Variants in SHD observed in about 807,000 individuals in gnomAD.
SHD encodes Src homology 2 domain containing transforming protein D, also known as SH2 domain-containing adapter protein D.
In SHD, 29 loss-of-function variants were observed where a neutral mutation model predicts 31.2. That is an observed-to-expected ratio of 0.93 (90% CI 0.69 to 1.27). The LOEUF is 1.27. Among genes scored for constraint, SHD ranks in the 50% most tolerant of loss-of-function variants. The probability of loss-of-function intolerance (pLI) is 0.00; values close to 1 mark genes in which losing one functional copy is unlikely to be tolerated. For synonymous variants in SHD, 208 were observed against 187.8 expected (o/e 1.11, Z -0.88); for missense variants, 520 against 453.8 (o/e 1.15, Z -1.33).
chr19:4,286,261 CTCTT>C lies in SHD; in HGVS notation c.716+1375_716+1378del, dbSNP rs1160240266. ...TTTCTTTCTTTCTTTCTTTCTTTCT[CTCTT>C]TCTTTCTTTCTTTCTTTTTTTCTTT... On this transcript the variant is annotated intron_variant, in intron 4 of 5. Coordinates refer to ENST00000543264, the MANE Select transcript of SHD (RefSeq NM_020209.4). 7.9e-3 allele frequency among the ~76,000 whole-genome samples: 786 copies of C among 99,184 alleles called. 10 individuals carry two copies. The highest frequency in any genetic ancestry group is 0.02 in the African/African-American group (610 of 29,940). 65.1% of individuals were successfully genotyped at this position (99,184 alleles called of 152,430 possible). A position where few individuals can be genotyped will look rare whatever the true frequency, so the allele number is the denominator to read the frequency against.
chr19:4,284,759 C>A, intron 3 of SHD, 22 bp from the exon 4 acceptor site: 3 of 1,564,512 alleles, frequency 1.9e-6, no homozygotes, highest in South Asian at 2.3e-5. Flanking sequence ...TTAACCCTTT[C>A]CTCTCTAAAT....
At position 4,290,530 on chromosome 19, in the gene SHD, C is replaced by T. The variant is rs761821848; in HGVS notation, c.920C>T (p.Pro307Leu). Residue 307 changes from proline to leucine, a missense_variant, in exon 6 of 6, where the codon CCC becomes CTC. Coordinates refer to ENST00000543264, the MANE Select transcript of SHD (RefSeq NM_020209.4). ...CTGGGCCAACACAGCGGGCCCTTCC[C>T]CAGCGTGCCCGAGCTCGTCCTCCAC... The part of the protein sequence containing the change: ...VVLGQHSGPF[P>L]SVPELVLHYS... The T allele has an allele frequency of 6.2e-7, 1 of 1,613,666 alleles. No individual in the cohort carries two copies. Among genetic ancestry groups the T allele is most frequent in the African/African-American group, 1.3e-5 (1 of 75,016 alleles).
chr19:4,283,365 A>G, intron 3 of SHD, 123 bp downstream of exon 3: 1 of 1,022,708 alleles, frequency 9.8e-7, no homozygotes, highest in Non-Finnish European at 1.4e-6. Context: ...GTAGTTTGTT[A>G]ATTCTCACTA....
chr19:4,282,857 CT>C lies in SHD; in HGVS notation c.298-11del, dbSNP rs1971270076. On this transcript the variant is annotated splice_polypyrimidine_tract_variant and intron_variant, in intron 1 of 5. Coordinates refer to ENST00000543264, the MANE Select transcript of SHD (RefSeq NM_020209.4). ...TCTGAGTCCTTGTCTTCTCCCCTTC[CT>C]TCTCTCCGCAGCTGGAAGCCGACAC... The C allele has an allele frequency of 1.9e-6, 3 of 1,613,426 alleles. No individual in the cohort carries two copies. Among genetic ancestry groups the C allele is most frequent in the Non-Finnish European group, 2.5e-6 (3 of 1,179,600 alleles).
At chr19:4,282,716 A>AAAAAAT (rs1470016858) in intron 1 of SHD, among the ~76,000 whole-genome samples, 154 bp from the exon 2 acceptor site, 1 of 152,020 alleles carries the variant, frequency 6.6e-6, no homozygotes, top group Non-Finnish European at 1.5e-5. Flanking sequence ...ACTCCATCTC[A>AAAAAAT]AAAAATAAAA....
chr19:4,283,872 C>A (rs932619380), intron 3 of SHD, among the ~76,000 whole-genome samples: 1 of 151,662 alleles, frequency 6.6e-6, no homozygotes, highest in African/African-American at 2.4e-5. Flanking sequence ...GCCACCGCGC[C>A]CCCGCCCGGG....
intron 1 of SHD, among the ~76,000 whole-genome samples, chr19:4,281,619 G>T (rs1461857771): frequency 6.6e-6 from 1 of 151,660 alleles, no homozygotes; most frequent in Non-Finnish European, 1.5e-5. Flanking sequence ...TTAACCAGGC[G>T]ATGTGGCGTG....
At chr19:4,286,084 GTTT>G (rs950450394) in intron 4 of SHD, among the ~76,000 whole-genome samples, 1 of 151,150 alleles carries the variant, frequency 6.6e-6, no homozygotes, top group African/African-American at 2.4e-5. Context: ...TAGAGACAGA[GTTT>G]CACCATGTTA....
intron 1 of SHD, among the ~76,000 whole-genome samples, chr19:4,281,822 C>T (rs886655231): frequency 6.6e-6 from 1 of 152,120 alleles, no homozygotes; most frequent in African/African-American, 2.4e-5. Context: ...GGAAACCAGT[C>T]AGCCGGGATC....
Position 4,280,313 on chromosome 19 carries a change from G to A in SHD, c.250G>A (p.Ala84Thr). Residue 84 changes from alanine to threonine, a missense_variant, in exon 1 of 6, where the codon GCG becomes ACG. Physicochemically the swap from Ala to Thr is moderately conservative, Grantham distance 58. Transcript: ENST00000543264. The part of the protein sequence containing the change: ...PKHRLIKVEA[A>T]DMARAKALLG... ...GCACCGGCTCATCAAGGTGGAGGCT[G>A]CGGATATGGCCAGAGCCAAGGCCCT... 1 of 1,603,516 alleles carries A rather than the reference G, an allele frequency of 6.2e-7. No homozygotes were observed. Among genetic ancestry groups the A allele is most frequent in the Non-Finnish European group, 8.5e-7 (1 of 1,175,278 alleles).
At chr19:4,285,026 C>T in intron 4 of SHD, 122 bp downstream of exon 4, 1 of 1,199,724 alleles carries the variant, frequency 8.3e-7, no homozygotes, top group South Asian at 2.2e-5. Context: ...ATTCATTCAT[C>T]CACTTATTTC....
intron 4 of SHD, among the ~76,000 whole-genome samples, chr19:4,286,388 C>T (rs148175937): frequency 8.1e-4 from 121 of 149,792 alleles, no homozygotes; most frequent in African/African-American, 2.8e-3. Context: ...ACTCTGTTGC[C>T]CAGGCTGAAG....
intron 4 of SHD, among the ~76,000 whole-genome samples, chr19:4,287,670 AG>A (rs1394055129): frequency 6.6e-6 from 1 of 151,864 alleles, no homozygotes; most frequent in Non-Finnish European, 1.5e-5. Flanking sequence ...CTGTAGTTCC[AG>A]CTACTCTGGA....
chr19:4,288,803 C>T (rs1413459595), intron 5 of SHD, among the ~76,000 whole-genome samples: 1 of 152,072 alleles, frequency 6.6e-6, no homozygotes, highest in Non-Finnish European at 1.5e-5. Flanking sequence ...ATAAACCACT[C>T]CTAAGATTCT....
intron 5 of SHD, among the ~76,000 whole-genome samples, chr19:4,289,212 G>A (rs1049890674): frequency 4.9e-5 from 7 of 141,452 alleles, no homozygotes; most frequent in Non-Finnish European, 7.5e-5. Context: ...CCGGGTTCAC[G>A]CCATTCTCCT....
intron 5 of SHD, among the ~76,000 whole-genome samples, chr19:4,289,285 G>T (rs1971351858): frequency 6.7e-6 from 1 of 149,834 alleles, no homozygotes; most frequent in African/African-American, 2.4e-5. Context: ...TAATTTTTTT[G>T]TATTTTTAGT....
At chr19:4,282,619 G>T (rs1971267492) in intron 1 of SHD, among the ~76,000 whole-genome samples, 1 of 151,934 alleles carries the variant, frequency 6.6e-6, no homozygotes, top group Non-Finnish European at 1.5e-5. Flanking sequence ...GGGAGGCTGA[G>T]GCAGGAGAAT....
chr19:4,288,445 G>C, intron 5 of SHD, 83 bp downstream of exon 5: 54 of 1,431,368 alleles, frequency 3.8e-5, no homozygotes, highest in Non-Finnish European at 4.3e-5. Flanking sequence ...GAAGGGGAGG[G>C]TGTGGCTCCC....
chr19:4,286,223 TTTCTTTCTTTTCTTTC>T (rs1273939303), intron 4 of SHD, among the ~76,000 whole-genome samples: 1,297 of 105,790 alleles, frequency 0.012, 22 homozygotes, highest in African/African-American at 0.049. Flanking sequence ...TCTTTCTTTC[TTTCTTTCTTTTCTTTC>T]TTTCTTTCTT....
Sources: allele counts gnomAD v4.1 joint callset (sites outside exome capture counted in the v4.1 genomes callset), GRCh38; gene constraint gnomAD v4.1.1; transcripts MANE v1.5; gene names NCBI Gene and HGNC (gene_info 2026-07-23, HGNC 2026-07-21).